Variants in CDH2 observed in about 807,000 individuals in gnomAD.
The protein encoded by CDH2 is cadherin-2.
In CDH2, 17 loss-of-function variants were observed where a neutral mutation model predicts 92.0. The ratio of observed to expected loss-of-function variants is 0.18; its 90% CI spans 0.13 to 0.28. The LOEUF (loss-of-function observed/expected upper bound fraction) is 0.28, where lower values mean the gene tolerates loss of function less well. Among genes scored for constraint, CDH2 ranks in the 10% least tolerant of loss-of-function variants. The probability of loss-of-function intolerance (pLI) is 1.00; values close to 1 mark genes in which losing one functional copy is unlikely to be tolerated. For missense variants in CDH2, 862 were observed against 1,133.1 expected, an observed-to-expected ratio of 0.76 and a Z score of 3.44; for synonymous variants, 419 against 415.9, an observed-to-expected ratio of 1.01 and a Z score of -0.09.
At chr18:28,099,127 G>T (rs1229583807) in intron 2 of CDH2, among the ~76,000 whole-genome samples, 1 of 152,036 alleles carries the variant, frequency 6.6e-6, no homozygotes, top group Non-Finnish European at 1.5e-5. Context: ...TGACATATCT[G>T]ATTACCTATT....
At chr18:28,102,801 T>A (rs2015248069) in intron 2 of CDH2, among the ~76,000 whole-genome samples, 1 of 151,840 alleles carries the variant, frequency 6.6e-6, no homozygotes, top group African/African-American at 2.4e-5. Flanking sequence ...TCTGAGAAAC[T>A]GAAATGGAAA....
chr18:28,114,748 C>A (rs17446644), intron 2 of CDH2, among the ~76,000 whole-genome samples: 6,823 of 151,962 alleles, frequency 0.045, 180 homozygotes, highest in South Asian at 0.082. Flanking sequence ...AGTTATAGGG[C>A]TTCTAAATTT....
rs575537880 is a variant in CDH2 at position 27,957,013 on chromosome 18, C to A, written c.2515-4654G>T. Reference sequence around the variant, plus strand: ...CCAGCAACCACGACTGAATTATGCACCCCCAAAGGGAATCCCCCCAAACCC... The same window carrying A: ...CCAGCAACCACGACTGAATTATGCAACCCCAAAGGGAATCCCCCCAAACCC... On this transcript the variant is annotated intron_variant, in intron 15 of 15. Coordinates refer to ENST00000269141, the MANE Select transcript of CDH2 (RefSeq NM_001792.5). 2.6e-5 allele frequency among the ~76,000 whole-genome samples: 4 copies of A among 152,154 alleles called. No individual in the cohort carries two copies. In the East Asian group the frequency reaches 7.8e-4, roughly 29 times the overall value.
At chr18:27,984,142 A>T (rs1321661079) in intron 13 of CDH2, among the ~76,000 whole-genome samples, 1 of 152,238 alleles carries the variant, frequency 6.6e-6, no homozygotes, top group Non-Finnish European at 1.5e-5. Flanking sequence ...AGACTTCTAT[A>T]GTAATTGCTT....
intron 6 of CDH2, among the ~76,000 whole-genome samples, chr18:27,936,277 C>G (rs569083425): frequency 6.6e-6 from 1 of 152,236 alleles, no homozygotes; most frequent in African/African-American, 2.4e-5. Flanking sequence ...AATAGACAAG[C>G]AGACATTGTT....
At chr18:28,030,278 A>G (rs960036665) in intron 2 of CDH2, among the ~76,000 whole-genome samples, 4 of 151,970 alleles carry the variant, frequency 2.6e-5, no homozygotes, top group Admixed American at 2.0e-4. Flanking sequence ...AGAAAAAAAC[A>G]CGCACCTAAA....
chr18:27,940,715 A>G (rs1218015143), intron 6 of CDH2, among the ~76,000 whole-genome samples: 1 of 152,218 alleles, frequency 6.6e-6, no homozygotes, highest in Non-Finnish European at 1.5e-5. Flanking sequence ...ATAAGGTTTG[A>G]CAATAGAAGA....
At chr18:28,155,122 T>A (rs548154805) in intron 1 of CDH2, among the ~76,000 whole-genome samples, 1 of 152,250 alleles carries the variant, frequency 6.6e-6, no homozygotes, top group African/African-American at 2.4e-5. Context: ...TGATTCCTTG[T>A]GGAAATAAGG....
intron 7 of CDH2, 37 bp from the exon 8 acceptor site, chr18:27,993,674 A>G: frequency 6.7e-7 from 1 of 1,489,954 alleles, no homozygotes; most frequent in Non-Finnish European, 9.3e-7. Flanking sequence ...AAATGAAACT[A>G]ATTCCTCAAG....
At chr18:27,960,981 AT>A (rs1178918953) in intron 15 of CDH2, among the ~76,000 whole-genome samples, 1 of 151,938 alleles carries the variant, frequency 6.6e-6, no homozygotes, top group Admixed American at 6.6e-5. Flanking sequence ...AGTGAAACTT[AT>A]TGACTAGATG....
At chr18:28,068,809 C>A (rs978215920) in intron 2 of CDH2, among the ~76,000 whole-genome samples, 5 of 152,164 alleles carry the variant, frequency 3.3e-5, no homozygotes, top group African/African-American at 1.2e-4. Flanking sequence ...AGATCCCATG[C>A]TATTTTAGAT....
At chr18:27,971,346 T>C (rs2011653968) in intron 14 of CDH2, among the ~76,000 whole-genome samples, 1 of 151,378 alleles carries the variant, frequency 6.6e-6, no homozygotes, top group African/African-American at 2.4e-5. Flanking sequence ...AATACATACT[T>C]GGTATTCAAA....
chr18:27,956,152 A>G (rs2011240044), intron 15 of CDH2, among the ~76,000 whole-genome samples: 2 of 152,186 alleles, frequency 1.3e-5, no homozygotes, highest in Admixed American at 1.3e-4. Context: ...CCCTTATGGG[A>G]TTCCTTTATT....
intron 14 of CDH2, among the ~76,000 whole-genome samples, chr18:27,980,862 G>T (rs998868468): frequency 4.0e-5 from 6 of 150,144 alleles, no homozygotes; most frequent in Middle Eastern, 3.2e-3. Flanking sequence ...TAAAGAGGAA[G>T]TTGTAGATTT....
At chr18:27,956,144 CTTATGGGATTCCT>C (rs1250548243) in intron 15 of CDH2, among the ~76,000 whole-genome samples, 3 of 152,158 alleles carry the variant, frequency 2.0e-5, no homozygotes, top group Non-Finnish European at 2.9e-5. Context: ...CTGGTTCTCC[CTTATGGGATTCCT>C]TTATTCTTGG....
At chr18:27,980,672 G>A (rs2012017083) in intron 14 of CDH2, among the ~76,000 whole-genome samples, 1 of 151,532 alleles carries the variant, frequency 6.6e-6, no homozygotes, top group African/African-American at 2.4e-5. Flanking sequence ...ACCACAGGAA[G>A]ATTGGTACCA....
At chr18:28,159,266 G>C (rs2016268773) in intron 1 of CDH2, 1 of 152,220 alleles carries the variant, frequency 6.6e-6, no homozygotes, top group Non-Finnish European at 1.5e-5. Flanking sequence ...CATTTTCCAT[G>C]CTGGGAGCTC....
chr18:28,018,819 T>C (rs2013325867), intron 2 of CDH2, among the ~76,000 whole-genome samples: 1 of 151,592 alleles, frequency 6.6e-6, no homozygotes, highest in Non-Finnish European at 1.5e-5. Flanking sequence ...CACTTCTGAG[T>C]ATCTACCCAG....
At chr18:28,077,919 GA>G (rs2014755497) in intron 2 of CDH2, among the ~76,000 whole-genome samples, 1 of 126,686 alleles carries the variant, frequency 7.9e-6, no homozygotes, top group Non-Finnish European at 1.7e-5. Flanking sequence ...AAAAAAAAAG[GA>G]AAGAAAAGGA....
Sources: gnomAD v4.1 joint callset for allele counts (sites outside exome capture counted in the v4.1 genomes callset) on GRCh38, gnomAD v4.1.1 for gene constraint, MANE v1.5 for transcripts, NCBI Gene and HGNC (gene_info 2026-07-23, HGNC 2026-07-21) for gene names.